The following IGF1R variants were observed in gnomAD, a reference collection of about 807,000 sequenced individuals.
IGF1R encodes the protein insulin like growth factor 1 receptor.
Under a neutral mutation model 144.6 loss-of-function variants are expected in IGF1R, and 44 were observed. The ratio of observed to expected loss-of-function variants is 0.30; its 90% confidence interval spans 0.24 to 0.39. IGF1R has a LOEUF of 0.39. Ranked by LOEUF, IGF1R falls within the 10% of genes least tolerant of loss-of-function variation. The probability of loss-of-function intolerance (pLI) is 1.00; values close to 1 mark genes in which losing one functional copy is unlikely to be tolerated. For missense variants in IGF1R, 1,355 were observed against 1,833.7 expected (o/e 0.74, Z 4.77); for synonymous variants, 795 against 722.8 (o/e 1.10, Z -1.60).
rs758765712 is a variant in IGF1R at position 98,913,234 on chromosome 15, A to G, written c.1780A>G (p.Ile594Val). The G allele has an allele frequency of 6.2e-7, 1 of 1,614,238 alleles. No homozygotes were observed. The highest frequency in any genetic ancestry group is 2.2e-5 in the East Asian group (1 of 44,880). The change falls in exon 8 of 21, where the codon ATC becomes GTC. Residue 594 changes from isoleucine (I) to valine (V), a missense_variant. Coordinates refer to ENST00000650285, the MANE Select transcript of IGF1R (RefSeq NM_000875.5). ...VTLTMVENDH[I>V]RGAKSEILYI... is the part of the protein sequence containing the mutation. ...CCTCACCATGGTGGAGAACGACCATATCCGTGGGGCCAAGAGTGAGATCTT... is the reference window on the plus strand; with the variant it reads ...CCTCACCATGGTGGAGAACGACCATGTCCGTGGGGCCAAGAGTGAGATCTT...
chr15:98,664,868 A>C (rs2052692490), intron 1 of IGF1R, among the ~76,000 whole-genome samples: 1 of 152,140 alleles, frequency 6.6e-6, no homozygotes, highest in South Asian at 2.1e-4. Context: ...TTTAAAAAAA[A>C]AAATACCCTT....
At chr15:98,887,346 C>G (rs942338210) in intron 2 of IGF1R, among the ~76,000 whole-genome samples, 2 of 151,892 alleles carry the variant, frequency 1.3e-5, no homozygotes, top group Admixed American at 6.6e-5. Flanking sequence ...CTTTCTCATC[C>G]TGGAAAATCC....
intron 1 of IGF1R, among the ~76,000 whole-genome samples, chr15:98,698,537 C>T (rs890795648): frequency 1.3e-5 from 2 of 152,222 alleles, no homozygotes; most frequent in African/African-American, 2.4e-5. Flanking sequence ...TGAGCAGAAT[C>T]CGCAGGATTT....
At chr15:98,931,696 TAAAAAAAAA>T (rs61131708) in intron 15 of IGF1R, among the ~76,000 whole-genome samples, 508 of 146,116 alleles carry the variant, frequency 3.5e-3, no homozygotes, top group East Asian at 4.3e-3. Flanking sequence ...TCTTTCCCTT[TAAAAAAAAA>T]AAAAAAAAAA....
Position 98,861,595 on chromosome 15 carries a change from CAG to C in IGF1R, c.641-29727_641-29726del, listed in dbSNP as rs1478532727. Among the ~76,000 whole-genome samples the C allele has an allele frequency of 4.6e-5, 7 of 152,354 alleles. No homozygotes were observed. The East Asian group carries it at 7.7e-4, about 17-fold the overall frequency. ...TCATTTGGGAGACAGCATGGTCTGA[CAG>C]AGCCTAGATCCTGGGGTGAAGACAT... On this transcript the variant is annotated intron_variant, in intron 2 of 20. Transcript: ENST00000650285.
intron 5 of IGF1R, among the ~76,000 whole-genome samples, chr15:98,906,147 G>T (rs961163004): frequency 5.3e-5 from 8 of 152,316 alleles, no homozygotes; most frequent in African/African-American, 1.7e-4. Context: ...CAGAATTTCA[G>T]TGTGCCTGCC....
chr15:98,791,093 T>G (rs1044622241), intron 2 of IGF1R, among the ~76,000 whole-genome samples: 36 of 152,222 alleles, frequency 2.4e-4, no homozygotes, highest in Non-Finnish European at 1.5e-4. Flanking sequence ...CTCAGATGAT[T>G]CAGTGATGAT....
At chr15:98,753,230 C>CT (rs35184573) in intron 2 of IGF1R, among the ~76,000 whole-genome samples, 73,081 of 143,804 alleles carry the variant, frequency 0.51, 19,463 homozygotes, top group Non-Finnish European at 0.6. Flanking sequence ...TACGTCCAGC[C>CT]TTTTTTTTTT....
In IGF1R at chr15:98,704,979, T is replaced by C. The variant is rs1371490898; in HGVS notation, c.95-2583T>C. Among the ~76,000 whole-genome samples, 3 of 152,172 alleles carry C rather than the reference T, an allele frequency of 2.0e-5. No homozygotes were observed. The highest frequency in any genetic ancestry group is 7.2e-5 in the African/African-American group (3 of 41,438). On this transcript the variant is annotated intron_variant, in intron 1 of 20. Coordinates refer to ENST00000650285, the MANE Select transcript of IGF1R (RefSeq NM_000875.5). This position sits in a 1 kb window ranked among gnomAD's most constrained non-coding sequence, Gnocchi z 4.9. ...CTCAGAGAATGAGAGTGCTGCAGTT[T>C]ACAAGCTTGGAAGGTGGATTATGTG...
chr15:98,755,027 C>G (rs1225664073), intron 2 of IGF1R, among the ~76,000 whole-genome samples: 2 of 152,038 alleles, frequency 1.3e-5, no homozygotes, highest in Non-Finnish European at 2.9e-5. Flanking sequence ...TTAAAATTCT[C>G]TTTAATAAAA....
At chr15:98,928,433 G>A (rs2015810788) in intron 13 of IGF1R, among the ~76,000 whole-genome samples, 2 of 152,162 alleles carry the variant, frequency 1.3e-5, no homozygotes, top group African/African-American at 2.4e-5. Flanking sequence ...CCATTTCCCT[G>A]GAACGCGAAT....
Position 98,649,532 on chromosome 15 carries a change from T to TC in IGF1R, c.-50_-49insC. 2 of 170,726 alleles carry TC rather than the reference T, an allele frequency of 1.2e-5. No homozygotes were observed. Among genetic ancestry groups the TC allele is most frequent in the Non-Finnish European group, 1.9e-5 (2 of 105,270 alleles). 10.6% of individuals were successfully genotyped at this position (170,726 alleles called of 1,614,324 possible). ...CTTTTTTTCTTTTCTTTTCTTTTTT[T>TC]TTTTTTTTTTTTTTTTTGAGAAAGG... On this transcript the variant is annotated 5_prime_UTR_variant, in exon 1 of 21. Transcript: ENST00000650285.
At chr15:98,653,874 A>G (rs1360706269) in intron 1 of IGF1R, among the ~76,000 whole-genome samples, 2 of 152,222 alleles carry the variant, frequency 1.3e-5, no homozygotes, top group Non-Finnish European at 2.9e-5. Context: ...CCCTCAAGGG[A>G]CGGTGGTTTC....
chr15:98,674,163 T>C (rs1384073394), intron 1 of IGF1R, among the ~76,000 whole-genome samples: 1 of 152,120 alleles, frequency 6.6e-6, no homozygotes, highest in Non-Finnish European at 1.5e-5. Flanking sequence ...ATACAGGAAA[T>C]CTGATTGTTG....
chr15:98,847,184 C>T (rs1312056139), intron 2 of IGF1R, among the ~76,000 whole-genome samples: 3 of 152,142 alleles, frequency 2.0e-5, no homozygotes. Context: ...ACCATGTTGG[C>T]TAGGCTGGTC....
intron 2 of IGF1R, among the ~76,000 whole-genome samples, chr15:98,788,058 C>CTGTGTGTGTGTG (rs1462764560): frequency 6.5e-4 from 83 of 128,068 alleles, no homozygotes; most frequent in African/African-American, 2.4e-3. Flanking sequence ...CTCTCTCTCT[C>CTGTGTGTGTGTG]TCTCTGTGTG....
chr15:98,831,581 TTAA>T (rs1027713855), intron 2 of IGF1R, among the ~76,000 whole-genome samples: 2 of 152,142 alleles, frequency 1.3e-5, no homozygotes, highest in Non-Finnish European at 2.9e-5. Flanking sequence ...AAAAGATAGA[TTAA>T]TAAGAGAAAA....
At position 98,908,693 on chromosome 15, in the gene IGF1R, CCTT is replaced by C; in HGVS notation, c.1259_1261del (p.Phe420del). ...GATTTCTGTGCTTCTAGGAATTACT[CCTT>C]CTACGTCCTCGACAACCAGAACTTG... is the stretch of plus-strand genomic sequence containing the variant. On this transcript the variant is annotated inframe_deletion, in exon 6 of 21. Coordinates refer to ENST00000650285, the MANE Select transcript of IGF1R (RefSeq NM_000875.5). The C allele has an allele frequency of 1.2e-6, 2 of 1,613,812 alleles. No individual in the cohort carries two copies. Among genetic ancestry groups the C allele is most frequent in the Non-Finnish European group, 8.5e-7 (1 of 1,179,802 alleles).
chr15:98,768,614 CA>C (rs57466735), intron 2 of IGF1R, among the ~76,000 whole-genome samples: 92,615 of 116,284 alleles, frequency 0.8, 37,407 homozygotes, highest in South Asian at 0.91. Flanking sequence ...GACTCCATCT[CA>C]AAAAAAAAAA....
Sources: allele counts gnomAD v4.1 joint callset (sites outside exome capture counted in the v4.1 genomes callset), GRCh38; gene constraint gnomAD v4.1.1; non-coding constraint Gnocchi (gnomAD v3.1); transcripts MANE v1.5; gene names NCBI Gene and HGNC (gene_info 2026-07-23, HGNC 2026-07-21).